METTL16: variants seen among roughly 807,000 people sequenced by gnomAD.
METTL16 encodes the protein methyltransferase 16, RNA N6-adenosine.
In METTL16, 19 loss-of-function variants were observed where a neutral mutation model predicts 57.9. That is an observed-to-expected ratio of 0.33 (90% confidence interval 0.23 to 0.48). The LOEUF is 0.48. METTL16 is among the 20% of genes least tolerant of loss of function. The pLI is 0.99. For missense variants in METTL16, 434 were observed against 691.5 expected (o/e 0.63, Z 4.18); for synonymous variants, 246 against 255.6 (o/e 0.96, Z 0.36).
At chr17:2,509,957 A>G (rs1410494894) in intron 1 of METTL16, among the ~76,000 whole-genome samples, 14 of 148,564 alleles carry the variant, frequency 9.4e-5, no homozygotes, top group African/African-American at 3.0e-4. Context: ...GGTGCCTGTA[A>G]TCCCAGCTAC....
intron 6 of METTL16, among the ~76,000 whole-genome samples, chr17:2,449,496 C>T (rs2151555848): frequency 6.6e-6 from 1 of 151,908 alleles, no homozygotes; most frequent in African/African-American, 2.4e-5. Context: ...GCGTGAGCCA[C>T]CATGTCTGGC....
intron 6 of METTL16, among the ~76,000 whole-genome samples, chr17:2,461,825 C>T (rs533553934): frequency 3.9e-5 from 6 of 152,246 alleles, no homozygotes; most frequent in African/African-American, 1.2e-4. Context: ...GTGATCCACC[C>T]GCTTTGGTCT....
At chr17:2,492,103 C>T (rs1026052902) in intron 2 of METTL16, among the ~76,000 whole-genome samples, 10 of 150,970 alleles carry the variant, frequency 6.6e-5, no homozygotes, top group East Asian at 2.0e-4. Context: ...CCCAGCTACT[C>T]GGGAGGCTGA....
At chr17:2,475,506 T>C (rs1486051173) in intron 3 of METTL16, among the ~76,000 whole-genome samples, 3 of 152,186 alleles carry the variant, frequency 2.0e-5, no homozygotes, top group Non-Finnish European at 2.9e-5. Flanking sequence ...TTCAATTTCA[T>C]TTAAAAGATA....
intron 1 of METTL16, among the ~76,000 whole-genome samples, chr17:2,511,524 A>G (rs1044530520): frequency 6.6e-6 from 1 of 151,836 alleles, no homozygotes; most frequent in African/African-American, 2.4e-5. Context: ...TAAACCTCCT[A>G]AACACCGGGG....
intron 8 of METTL16, chr17:2,424,453 G>A (rs1480555368): frequency 6.6e-6 from 1 of 151,894 alleles, no homozygotes; most frequent in Non-Finnish European, 1.5e-5. Flanking sequence ...TTGCTATATT[G>A]ATTGCCCAGG....
chr17:2,468,798 A>T (rs1162767704), intron 4 of METTL16, among the ~76,000 whole-genome samples: 1 of 152,190 alleles, frequency 6.6e-6, no homozygotes, highest in Non-Finnish European at 1.5e-5. Context: ...CTAAAGTGAG[A>T]GACTGCTTGA....
At chr17:2,499,508 G>T (rs948047250) in intron 2 of METTL16, among the ~76,000 whole-genome samples, 6 of 151,724 alleles carry the variant, frequency 4.0e-5, no homozygotes, top group Non-Finnish European at 8.8e-5. Context: ...CAACATCCAC[G>T]TATATCACTA....
At chr17:2,470,736 A>G (rs1046894457) in intron 4 of METTL16, among the ~76,000 whole-genome samples, 12 of 152,316 alleles carry the variant, frequency 7.9e-5, no homozygotes, top group African/African-American at 2.6e-4. Context: ...ACCTGAACAT[A>G]GGAGGTTGAG....
At chr17:2,484,748 C>T (rs1782040713) in intron 2 of METTL16, among the ~76,000 whole-genome samples, 2 of 152,150 alleles carry the variant, frequency 1.3e-5, no homozygotes, top group Non-Finnish European at 1.5e-5. Flanking sequence ...CCTGCCTCGG[C>T]CTCCCAAAGT....
intron 8 of METTL16, among the ~76,000 whole-genome samples, chr17:2,436,018 T>C (rs1320262457): frequency 6.6e-6 from 1 of 152,130 alleles, no homozygotes; most frequent in Non-Finnish European, 1.5e-5. Context: ...TCGGAGCTGG[T>C]GTGGAGTGCC....
chr17:2,500,963 A>G (rs374690144), intron 2 of METTL16, among the ~76,000 whole-genome samples: 49 of 152,112 alleles, frequency 3.2e-4, no homozygotes, highest in African/African-American at 1.2e-3. Context: ...CTAAAAATAC[A>G]AAAATTAGCC....
chr17:2,482,970 A>G (rs2067317533), intron 2 of METTL16, among the ~76,000 whole-genome samples: 2 of 151,930 alleles, frequency 1.3e-5, no homozygotes, highest in South Asian at 4.1e-4. Flanking sequence ...ATATAATCAA[A>G]TAAAATCAGG....
intron 6 of METTL16, among the ~76,000 whole-genome samples, chr17:2,463,671 A>T (rs535769015): frequency 1.3e-5 from 2 of 151,864 alleles, no homozygotes; most frequent in Non-Finnish European, 2.9e-5. Flanking sequence ...TATATTGGCC[A>T]GGCTGGTCTT....
Position 2,419,049 on chromosome 17 carries a change from A to G in METTL16, c.*921T>C, listed in dbSNP as rs1197855669. 1 of 153,360 alleles carries G rather than the reference A, an allele frequency of 6.5e-6. No individual in the cohort carries two copies. The highest frequency in any genetic ancestry group is 1.5e-5 in the Non-Finnish European group (1 of 68,944). 9.5% of individuals were successfully genotyped at this position (153,360 alleles called of 1,614,324 possible). ...AAAAAAACAGTATTTGATCAGCAAC[A>G]AAATATCTGAGACTTTCTTAAGCTA... On this transcript the variant is annotated 3_prime_UTR_variant, in exon 10 of 10. Transcript: ENST00000263092.
intron 6 of METTL16, among the ~76,000 whole-genome samples, chr17:2,452,656 T>C (rs1238258642): frequency 6.6e-6 from 1 of 152,148 alleles, no homozygotes; most frequent in Non-Finnish European, 1.5e-5. Context: ...ATTTCAAACT[T>C]TCAGAAGAGT....
chr17:2,462,513 T>C (rs2067157646), intron 6 of METTL16, among the ~76,000 whole-genome samples: 1 of 152,196 alleles, frequency 6.6e-6, no homozygotes, highest in South Asian at 2.1e-4. Flanking sequence ...ATCTCTAGTG[T>C]TGGCGACGGG....
intron 8 of METTL16, among the ~76,000 whole-genome samples, chr17:2,422,921 T>TG (rs1443801978): frequency 6.6e-6 from 1 of 152,034 alleles, no homozygotes; most frequent in African/African-American, 2.4e-5. Context: ...AGGTGCAGGT[T>TG]GCAGTGAGAT....
chr17:2,433,544 G>A (rs371728642), intron 8 of METTL16, among the ~76,000 whole-genome samples: 6 of 152,278 alleles, frequency 3.9e-5, no homozygotes, highest in Admixed American at 1.3e-4. Flanking sequence ...GGGCCGTGGC[G>A]GGCAGAGTGT....
Sources: gnomAD v4.1 joint callset for allele counts (sites outside exome capture counted in the v4.1 genomes callset) on GRCh38, gnomAD v4.1.1 for gene constraint, MANE v1.5 for transcripts, NCBI Gene and HGNC (gene_info 2026-07-23, HGNC 2026-07-21) for gene names.